S100A8: variants seen among roughly 807,000 people sequenced by gnomAD.
S100A8 encodes S100 calcium binding protein A8.
In S100A8, 1 loss-of-function variant was observed where a neutral mutation model predicts 4.2. The observed-to-expected ratio is 0.24, with a 90% CI of 0.08 to 1.12. The LOEUF (loss-of-function observed/expected upper bound fraction) is 1.12, where lower values mean the gene tolerates loss of function less well. S100A8 is among the 50% of genes most tolerant of loss of function. S100A8 has a pLI of 0.53. For synonymous variants in S100A8, 41 were observed against 44.7 expected (o/e 0.92, Z 0.33); for missense variants, 96 against 111.8 (o/e 0.86, Z 0.64).
At chr1:153,418,184 G>T in the S100A8 span, 2 of 1,614,008 alleles carry the variant, frequency 1.2e-6, no homozygotes, top group African/African-American at 2.7e-5. Context: ...GCCTGCTGAC[G>T]ATGATGAAGG....
At chr1:153,418,647 T>C in the S100A8 span, among the ~76,000 whole-genome samples, 333 of 152,250 alleles carry the variant, frequency 2.2e-3, 1 homozygote, top group African/African-American at 7.1e-3. Context: ...AGAAAACTCA[T>C]TGGCAAATCT....
chr1:153,408,444 A>G, the S100A8 span, among the ~76,000 whole-genome samples: 2 of 152,212 alleles, frequency 1.3e-5, no homozygotes, highest in Non-Finnish European at 2.9e-5. Context: ...GTAAAAAGAA[A>G]TGGACAAAGC....
At chr1:153,419,430 G>A in the S100A8 span, 4 of 1,158,462 alleles carry the variant, frequency 3.5e-6, no homozygotes, top group Non-Finnish European at 3.6e-6. Context: ...CCAATTCCAG[G>A]TTAACTTTGT....
the S100A8 span, among the ~76,000 whole-genome samples, chr1:153,399,180 G>A: frequency 1.9e-4 from 29 of 152,222 alleles, no homozygotes; most frequent in African/African-American, 4.3e-4. Context: ...TGTGTGAGCC[G>A]CGAACCCACC....
upstream of S100A8, among the ~76,000 whole-genome samples, chr1:153,395,251 G>C (rs1449899601): frequency 6.6e-6 from 1 of 152,042 alleles, no homozygotes; most frequent in Admixed American, 6.5e-5. Flanking sequence ...TGTCACCCAG[G>C]TTCTACTCAT....
chr1:153,420,221 C>T, the S100A8 span: 4 of 152,192 alleles, frequency 2.6e-5, no homozygotes, highest in Non-Finnish European at 5.9e-5. Flanking sequence ...TGGTAGTCTA[C>T]TCCAGGCCAG....
the S100A8 span, among the ~76,000 whole-genome samples, chr1:153,415,578 G>A: frequency 6.6e-6 from 1 of 152,170 alleles, no homozygotes; most frequent in African/African-American, 2.4e-5. Flanking sequence ...TTATAGCCAA[G>A]GGCACAACTC....
chr1:153,398,942 C>A, the S100A8 span, among the ~76,000 whole-genome samples: 1 of 152,204 alleles, frequency 6.6e-6, no homozygotes, highest in East Asian at 1.9e-4. Flanking sequence ...CCGCCTTGGG[C>A]CACGATTGTG....
chr1:153,406,258 G>A, the S100A8 span, among the ~76,000 whole-genome samples: 2 of 152,168 alleles, frequency 1.3e-5, no homozygotes, highest in Admixed American at 1.3e-4. Flanking sequence ...GAGGCTGGGG[G>A]CACAATATAA....
chr1:153,404,109 C>T, the S100A8 span, among the ~76,000 whole-genome samples: 6 of 152,132 alleles, frequency 3.9e-5, no homozygotes, highest in South Asian at 2.1e-4. Context: ...GGAAAAGCCA[C>T]GTGGAAGAGA....
chr1:153,394,243 G>A (rs1452138220), upstream of S100A8, among the ~76,000 whole-genome samples: 3 of 152,202 alleles, frequency 2.0e-5, no homozygotes, highest in African/African-American at 4.8e-5. Context: ...CAGAGCTGGT[G>A]AAGAAACCCC....
the S100A8 span, among the ~76,000 whole-genome samples, chr1:153,406,566 C>G: frequency 6.6e-6 from 1 of 152,212 alleles, no homozygotes; most frequent in South Asian, 2.1e-4. Context: ...GCACTCACAG[C>G]ATAAATGAAT....
chr1:153,422,518 A>G, the S100A8 span: 1 of 985,324 alleles, frequency 1.0e-6, no homozygotes, highest in Non-Finnish European at 1.2e-6. Flanking sequence ...CCACACTCAC[A>G]TTACAGCTGA....
chr1:153,405,835 G>C, the S100A8 span, among the ~76,000 whole-genome samples: 20,791 of 151,124 alleles, frequency 0.14, 1,193 homozygotes, highest in African/African-American at 0.22. Context: ...CACAGGCTCT[G>C]GGCTGCAGCT....
At chr1:153,400,216 G>A in the S100A8 span, among the ~76,000 whole-genome samples, 8 of 152,168 alleles carry the variant, frequency 5.3e-5, no homozygotes, top group Admixed American at 2.6e-4. Flanking sequence ...GGTGATGGAC[G>A]GGAGGTGAAA....
Position 153,390,692 on chromosome 1 carries a change from G to A in S100A8, c.-22-135C>T, listed in dbSNP as rs1662072474. 8.1e-6 allele frequency: 9 copies of A among 1,106,466 alleles called. No individual in the cohort carries two copies. In the South Asian group the frequency reaches 1.2e-4, roughly 15 times the overall value. 68.5% of individuals were successfully genotyped at this position (1,106,466 alleles called of 1,614,324 possible). A position where few individuals can be genotyped will look rare whatever the true frequency, so the allele number is the denominator to read the frequency against. On this transcript the variant is annotated intron_variant, in intron 1 of 2. Transcript: ENST00000368733. ...CTCCAAATAACCAAACCAGCAGATG[G>A]CTATGGCTCTGGTGGGAAGGGTGGG...
chr1:153,402,588 T>C, the S100A8 span, among the ~76,000 whole-genome samples: 1 of 152,198 alleles, frequency 6.6e-6, no homozygotes, highest in Non-Finnish European at 1.5e-5. Flanking sequence ...ACGAGGACTT[T>C]GCAAAATTTG....
At chr1:153,406,725 C>A in the S100A8 span, among the ~76,000 whole-genome samples, 3 of 152,094 alleles carry the variant, frequency 2.0e-5, no homozygotes, top group Non-Finnish European at 4.4e-5. Context: ...AAGATATCAA[C>A]CAGCCAAATT....
chr1:153,397,536 G>C, the S100A8 span, among the ~76,000 whole-genome samples: 1 of 152,174 alleles, frequency 6.6e-6, no homozygotes, highest in Non-Finnish European at 1.5e-5. Context: ...CATGAAGAAA[G>C]TCAGGGGCCA....
Sources: allele counts gnomAD v4.1 joint callset (sites outside exome capture counted in the v4.1 genomes callset), GRCh38; gene constraint gnomAD v4.1.1; transcripts MANE v1.5; gene names NCBI Gene and HGNC (gene_info 2026-07-23, HGNC 2026-07-21).